LAMA2: variants seen among roughly 807,000 people sequenced by gnomAD.
LAMA2 encodes the protein laminin subunit alpha 2.
Under a neutral mutation model 364.8 loss-of-function variants are expected in LAMA2, and 269 were observed. The observed-to-expected ratio is 0.74, with a 90% confidence interval of 0.67 to 0.82. The LOEUF (loss-of-function observed/expected upper bound fraction) is 0.82. Among genes scored for constraint, LAMA2 ranks in the 40% least tolerant of loss-of-function variants. LAMA2 has a pLI of 0.00. For synonymous variants in LAMA2, 1,379 were observed against 1,370.6 expected (o/e 1.01, Z -0.14); for missense variants, 3,807 against 3,873.2 (o/e 0.98, Z 0.45).
At position 129,314,790 on chromosome 6, in the gene LAMA2, C is replaced by T. The variant is rs867302949; in HGVS notation, c.3547C>T (p.Arg1183Trp). The change falls in exon 24 of 65, where the codon CGG (arginine) becomes TGG (tryptophan). Residue 1183 changes from arginine to tryptophan, a missense_variant. This residue lies in a region of LAMA2 where 3,333 missense variants were observed against 3,345.7 expected (regional missense o/e 1.00). Transcript: ENST00000421865. ...GTGCTCTGAAGCAAAAGGACTGATC[C>T]GGACGTGGGTGAGTAGGGAACTGCT... is the stretch of plus-strand genomic sequence containing the variant. ...TQCSEAKGLI[R>W]TWVTLKAEQT... The T allele has an allele frequency of 6.8e-6, 11 of 1,613,946 alleles. No individual in the cohort carries two copies. Among genetic ancestry groups the T allele is most frequent in the African/African-American group, 1.3e-5 (1 of 75,002 alleles).
intron 4 of LAMA2, among the ~76,000 whole-genome samples, chr6:129,102,130 C>CA (rs1209171239): frequency 1.5e-5 from 2 of 130,364 alleles, no homozygotes; most frequent in East Asian, 4.2e-4. Flanking sequence ...TTCTTTCTTT[C>CA]TTTTTTTTTT....
At chr6:128,981,633 C>G (rs1582816720) in intron 1 of LAMA2, among the ~76,000 whole-genome samples, 2 of 151,068 alleles carry the variant, frequency 1.3e-5, no homozygotes, top group African/African-American at 4.9e-5. Context: ...GCCTGTCGTC[C>G]CAGCTACTCA....
At chr6:129,221,588 A>G (rs1158798080) in intron 12 of LAMA2, among the ~76,000 whole-genome samples, 2 of 152,178 alleles carry the variant, frequency 1.3e-5, no homozygotes, top group African/African-American at 4.8e-5. Flanking sequence ...TTTATTGGCA[A>G]TAATTAAGAA....
intron 8 of LAMA2, among the ~76,000 whole-genome samples, chr6:129,159,734 TA>T (rs1348055887): frequency 6.6e-6 from 1 of 152,080 alleles, no homozygotes; most frequent in Non-Finnish European, 1.5e-5. Context: ...GTGAACTGCA[TA>T]TTTTTTTATG....
chr6:129,476,205 G>A (rs1784059130), intron 53 of LAMA2, among the ~76,000 whole-genome samples: 1 of 152,136 alleles, frequency 6.6e-6, no homozygotes, highest in Non-Finnish European at 1.5e-5. Flanking sequence ...AGCTGTGCCA[G>A]ATTTCTGGAA....
chr6:129,473,179 C>A, intron 51 of LAMA2, 35 bp from the exon 52 acceptor site: 1 of 1,530,646 alleles, frequency 6.5e-7, no homozygotes, highest in South Asian at 1.1e-5. Flanking sequence ...TGATATTGCT[C>A]AAATAAAATG....
At chr6:128,907,386 C>T (rs1176688484) in intron 1 of LAMA2, among the ~76,000 whole-genome samples, 1 of 147,576 alleles carries the variant, frequency 6.8e-6, no homozygotes, top group Non-Finnish European at 1.5e-5. Context: ...GTATTTTATT[C>T]TCTTTGAAGC....
At chr6:129,140,211 C>A (rs12193437) in intron 4 of LAMA2, among the ~76,000 whole-genome samples, 11,884 of 151,974 alleles carry the variant, frequency 0.078, 560 homozygotes, top group African/African-American at 0.13. Context: ...GCCATTGAGG[C>A]ACAGAGGTCT....
At chr6:129,471,211 AG>A (rs1783794032) in intron 51 of LAMA2, among the ~76,000 whole-genome samples, 1 of 151,894 alleles carries the variant, frequency 6.6e-6, no homozygotes, top group Admixed American at 6.6e-5. Context: ...GAAAAGAAAT[AG>A]GGTAAGAAAT....
chr6:129,442,839 A>T (rs904102185), intron 43 of LAMA2: 18 of 548,702 alleles, frequency 3.3e-5, no homozygotes, highest in African/African-American at 3.1e-4. Flanking sequence ...ATCTTACTAA[A>T]ACATAGAAAT....
chr6:129,495,180 A>C (rs563026331), intron 58 of LAMA2, among the ~76,000 whole-genome samples: 1 of 152,334 alleles, frequency 6.6e-6, no homozygotes, highest in African/African-American at 2.4e-5. Context: ...CATTAAGTTA[A>C]AACTGAGTCC....
chr6:129,191,000 C>T (rs1180141959), intron 11 of LAMA2, among the ~76,000 whole-genome samples: 1 of 152,126 alleles, frequency 6.6e-6, no homozygotes, highest in Non-Finnish European at 1.5e-5. Flanking sequence ...AGAAAAGTGT[C>T]AGAGGAAAAT....
chr6:128,997,353 A>C (rs141902012), intron 1 of LAMA2, among the ~76,000 whole-genome samples: 1,400 of 22,248 alleles, frequency 0.063, 6 homozygotes, highest in South Asian at 0.11. Flanking sequence ...AAAGAAAGAA[A>C]GAACGAAAGA....
intron 19 of LAMA2, among the ~76,000 whole-genome samples, chr6:129,290,460 G>A (rs1258128846): frequency 6.6e-6 from 1 of 152,120 alleles, no homozygotes; most frequent in South Asian, 2.1e-4. Flanking sequence ...GCAGTTTTTA[G>A]AAAAGCAGTT....
At chr6:129,442,354 T>TGTGTGCACGTGTGTGCATGC in intron 43 of LAMA2, 1 of 422,472 alleles carries the variant, frequency 2.4e-6, no homozygotes, top group Non-Finnish European at 3.4e-6. Flanking sequence ...AAACATTTTT[T>TGTGTGCACGTGTGTGCATGC]AAAATTTTTT....
rs756668084 is a variant in LAMA2, at chr6:129,392,207, G to A, written c.5234+554G>A. On this transcript the variant is annotated intron_variant, in intron 36 of 64. Coordinates refer to ENST00000421865, the MANE Select transcript of LAMA2 (RefSeq NM_000426.4). ...GAAAAGTGATAGTGATTTTACCCAT[G>A]CTAAAGAACTTTTATGATAACGCAC... is the stretch of plus-strand genomic sequence containing the variant. 1.3e-3 allele frequency among the ~76,000 whole-genome samples: 191 copies of A among 152,174 alleles called. 1 individual carries two copies. The highest frequency in any genetic ancestry group is 3.2e-3 in the Middle Eastern group (1 of 316).
chr6:128,903,457 C>A (rs1297067212), intron 1 of LAMA2, among the ~76,000 whole-genome samples: 1 of 152,096 alleles, frequency 6.6e-6, no homozygotes, highest in African/African-American at 2.4e-5. Flanking sequence ...TGTTTAAATG[C>A]CATTGCCTGA....
intron 56 of LAMA2, among the ~76,000 whole-genome samples, chr6:129,488,073 G>A (rs1462259670): frequency 6.6e-6 from 1 of 152,152 alleles, no homozygotes; most frequent in East Asian, 1.9e-4. Flanking sequence ...ACTTTGGGAG[G>A]CCAAGGCAGG....
chr6:129,077,871 GGAGGGATGACTAGGCA>G (rs1773762134), intron 3 of LAMA2, among the ~76,000 whole-genome samples: 1 of 152,166 alleles, frequency 6.6e-6, no homozygotes, highest in African/African-American at 2.4e-5. Context: ...TTGAGGGAGT[GGAGGGATGACTAGGCA>G]GAGCAAAAGG....
Sources: allele counts gnomAD v4.1 joint callset (sites outside exome capture counted in the v4.1 genomes callset), GRCh38; gene constraint gnomAD v4.1.1; regional missense constraint gnomAD v4.1.1; transcripts MANE v1.5; gene names NCBI Gene and HGNC (gene_info 2026-07-23, HGNC 2026-07-21).